ACSS3: variants seen among roughly 807,000 people sequenced by gnomAD.
ACSS3 encodes acyl-CoA synthetase short chain family member 3.
A neutral mutation model predicts 84.2 loss-of-function variants in ACSS3; 64 were observed. The observed-to-expected ratio is 0.76, with a 90% confidence interval of 0.62 to 0.94. The LOEUF (loss-of-function observed/expected upper bound fraction) is 0.94, where lower values mean the gene tolerates loss of function less well. Among genes scored for constraint, ACSS3 ranks in the 40% least tolerant of loss-of-function variants. The probability of loss-of-function intolerance (pLI) is 0.00; values close to 1 mark genes in which losing one functional copy is unlikely to be tolerated. For synonymous variants in ACSS3, 317 were observed against 310.1 expected, an observed-to-expected ratio of 1.02 and a Z score of -0.23; for missense variants, 815 against 867.6, an observed-to-expected ratio of 0.94 and a Z score of 0.76.
intron 1 of ACSS3, among the ~76,000 whole-genome samples, chr12:81,081,102 G>C (rs1380980080): frequency 6.6e-6 from 1 of 152,164 alleles, no homozygotes; most frequent in East Asian, 1.9e-4. Flanking sequence ...AAGCTTGTCT[G>C]TTTGTTGTTC....
intron 2 of ACSS3, among the ~76,000 whole-genome samples, chr12:81,128,599 G>T (rs980060020): frequency 6.6e-6 from 1 of 152,186 alleles, no homozygotes; most frequent in East Asian, 1.9e-4. Flanking sequence ...ATTTAAGAAG[G>T]TGCAAAGATG....
At chr12:81,230,009 G>A (rs1368828097) in intron 11 of ACSS3, among the ~76,000 whole-genome samples, 2 of 151,804 alleles carry the variant, frequency 1.3e-5, no homozygotes, top group Non-Finnish European at 2.9e-5. Context: ...GCTTTCTTTT[G>A]TACTGTCAGA....
At chr12:81,124,297 G>A (rs948009970) in intron 2 of ACSS3, 5 of 152,086 alleles carry the variant, frequency 3.3e-5, no homozygotes, top group Non-Finnish European at 5.9e-5. Context: ...AGTTTTAAAC[G>A]ATTTTGATGG....
At chr12:81,119,783 G>A (rs142788114) in intron 2 of ACSS3, among the ~76,000 whole-genome samples, 118 of 152,158 alleles carry the variant, frequency 7.8e-4, no homozygotes, top group African/African-American at 2.8e-3. Flanking sequence ...ATTTCATATT[G>A]TTCAAGCACA....
At chr12:81,099,889 C>T (rs1882366184) in intron 1 of ACSS3, among the ~76,000 whole-genome samples, 1 of 152,136 alleles carries the variant, frequency 6.6e-6, no homozygotes, top group Non-Finnish European at 1.5e-5. Flanking sequence ...CCACTTCTGG[C>T]ACCCAGAGAT....
intron 13 of ACSS3, among the ~76,000 whole-genome samples, chr12:81,249,866 A>AGAT (rs755761522): frequency 1.3e-5 from 2 of 152,120 alleles, no homozygotes; most frequent in African/African-American, 2.4e-5. Context: ...TTTTAAATTA[A>AGAT]GATTCTTAAA....
Position 81,169,409 on chromosome 12 carries a change from G to A in ACSS3, c.1099-5379G>A, listed in dbSNP as rs1478115447. ...GTTTTGAAAATTGGAACAAAATAAT[G>A]TGAGTTATAGAGAAAGGGGCATTGA... is the stretch of plus-strand genomic sequence containing the variant. On this transcript the variant is annotated intron_variant, in intron 7 of 15. Transcript: ENST00000548058. 2.0e-5 allele frequency among the ~76,000 whole-genome samples: 3 copies of A among 152,130 alleles called. No individual in the cohort carries two copies. The South Asian group carries it at 6.2e-4, about 31-fold the overall frequency.
chr12:81,244,354 T>A (rs1220899014), intron 13 of ACSS3, among the ~76,000 whole-genome samples: 2 of 152,092 alleles, frequency 1.3e-5, no homozygotes, highest in Middle Eastern at 3.2e-3. Context: ...TTTTTTTTTT[T>A]ACATTTATCT....
At chr12:81,137,021 C>A (rs1885837921) in intron 3 of ACSS3, among the ~76,000 whole-genome samples, 1 of 151,946 alleles carries the variant, frequency 6.6e-6, no homozygotes, top group Non-Finnish European at 1.5e-5. Flanking sequence ...TACTGAAGGC[C>A]CCCTGAGTAC....
intron 6 of ACSS3, 30 bp from the exon 7 acceptor site, chr12:81,151,971 A>G (rs1229756211): frequency 1.2e-6 from 2 of 1,612,182 alleles, no homozygotes; most frequent in East Asian, 4.5e-5. Flanking sequence ...TCTGAATAAA[A>G]TATATTCATT....
intron 13 of ACSS3, among the ~76,000 whole-genome samples, chr12:81,248,920 A>G (rs2034068842): frequency 6.6e-6 from 1 of 152,020 alleles, no homozygotes; most frequent in South Asian, 2.1e-4. Flanking sequence ...CAGATATTCT[A>G]TTAAAATTAT....
At chr12:81,145,483 C>T (rs940839166) in intron 5 of ACSS3, among the ~76,000 whole-genome samples, 1 of 152,070 alleles carries the variant, frequency 6.6e-6, no homozygotes, top group African/African-American at 2.4e-5. Flanking sequence ...TAGGTATGAA[C>T]ATAGGTGATG....
At position 81,257,781 on chromosome 12, in the gene ACSS3, G is replaced by A. The variant is rs2034360964; in HGVS notation, c.*2859G>A. 1 of 151,930 alleles carries A rather than the reference G, an allele frequency of 6.6e-6. No homozygotes were observed. Among genetic ancestry groups the A allele is most frequent in the African/African-American group, 2.4e-5 (1 of 41,422 alleles). 9.4% of individuals were successfully genotyped at this position (151,930 alleles called of 1,614,324 possible). On this transcript the variant is annotated 3_prime_UTR_variant, in exon 16 of 16. Coordinates refer to ENST00000548058, the MANE Select transcript of ACSS3 (RefSeq NM_024560.4). ...AGACTCTGAGCTTAATCCATTAAATGGATTTTAGAATCTAGTAGAAGTTAT... is the reference window on the plus strand; with the variant it reads ...AGACTCTGAGCTTAATCCATTAAATAGATTTTAGAATCTAGTAGAAGTTAT...
intron 2 of ACSS3, among the ~76,000 whole-genome samples, chr12:81,132,294 C>G (rs914996050): frequency 6.6e-6 from 1 of 152,046 alleles, no homozygotes; most frequent in Non-Finnish European, 1.5e-5. Flanking sequence ...TAATTGTTGC[C>G]TCAATTTCAG....
intron 2 of ACSS3, among the ~76,000 whole-genome samples, chr12:81,110,963 T>A (rs1444170109): frequency 5.9e-5 from 9 of 152,188 alleles, no homozygotes; most frequent in Non-Finnish European, 1.2e-4. Context: ...CATCAGCAAG[T>A]TCTTATTTTG....
intron 13 of ACSS3, among the ~76,000 whole-genome samples, chr12:81,244,967 T>C (rs1413885867): frequency 6.6e-6 from 1 of 152,056 alleles, no homozygotes; most frequent in Non-Finnish European, 1.5e-5. Context: ...CCTTTTAGTA[T>C]GCCTTGTAAT....
chr12:81,136,868 G>A (rs1237748160), intron 3 of ACSS3, among the ~76,000 whole-genome samples: 1 of 152,092 alleles, frequency 6.6e-6, no homozygotes, highest in African/African-American at 2.4e-5. Flanking sequence ...TGGTCTGTTT[G>A]TGAAACAGTG....
In ACSS3 at chr12:81,255,060, C is replaced by T; in HGVS notation, c.*138C>T. ...TGTGAATTGTAAAACTTGGCCTAAA[C>T]AAATCTAATGAAAACATGTGAAAGA... is the stretch of plus-strand genomic sequence containing the variant. On this transcript the variant is annotated 3_prime_UTR_variant, in exon 16 of 16. Coordinates refer to ENST00000548058, the MANE Select transcript of ACSS3 (RefSeq NM_024560.4). The T allele has an allele frequency of 1.2e-6, 1 of 806,046 alleles. No homozygotes were observed. The highest frequency in any genetic ancestry group is 1.8e-6 in the Non-Finnish European group (1 of 542,416). 49.9% of individuals were successfully genotyped at this position (806,046 alleles called of 1,614,324 possible).
At chr12:81,226,127 A>G (rs928321232) in intron 11 of ACSS3, among the ~76,000 whole-genome samples, 1 of 151,924 alleles carries the variant, frequency 6.6e-6, no homozygotes, top group Admixed American at 6.6e-5. Flanking sequence ...CATTGAAATG[A>G]CAATCATGAG....
Sources: allele counts gnomAD v4.1 joint callset (sites outside exome capture counted in the v4.1 genomes callset), GRCh38; gene constraint gnomAD v4.1.1; transcripts MANE v1.5; gene names NCBI Gene and HGNC (gene_info 2026-07-23, HGNC 2026-07-21).